Variants in DOCK2 observed in about 807,000 individuals in gnomAD.
The protein encoded by DOCK2 is dedicator of cytokinesis protein 2.
Under a neutral mutation model 248.9 loss-of-function variants are expected in DOCK2, and 87 were observed. The ratio of observed to expected loss-of-function variants is 0.35; its 90% CI spans 0.29 to 0.42. The LOEUF (loss-of-function observed/expected upper bound fraction) is 0.42. Ranked by LOEUF, DOCK2 falls within the 10% of genes least tolerant of loss-of-function variation. The pLI, the probability that DOCK2 is intolerant of heterozygous loss-of-function variation, is 1.00. For synonymous variants in DOCK2, 805 were observed against 821.6 expected (o/e 0.98, Z 0.35); for missense variants, 1,747 against 2,300.2 (o/e 0.76, Z 4.92).
At chr5:169,908,516 A>G (rs1403697934) in intron 27 of DOCK2, among the ~76,000 whole-genome samples, 1 of 152,140 alleles carries the variant, frequency 6.6e-6, no homozygotes, top group African/African-American at 2.4e-5. Flanking sequence ...ATGAACACAA[A>G]TAGGTTCCCA....
In DOCK2 at chr5:169,714,360, T is replaced by C; in HGVS notation, c.1844T>C (p.Val615Ala). 1 of 1,614,046 alleles carries C rather than the reference T, an allele frequency of 6.2e-7. No individual in the cohort carries two copies. The highest frequency in any genetic ancestry group is 8.5e-7 in the Non-Finnish European group (1 of 1,179,972). The change falls in exon 19 of 52, where the codon GTG becomes GCG. Residue 615 changes from valine (V) to alanine (A), a missense_variant and splice_region_variant. Coordinates refer to ENST00000520908, the MANE Select transcript of DOCK2 (RefSeq NM_004946.3). ...LVCSTKLTQN[V>A]GLLGLLKWRM... ...TCTGAATGTCTGGACTCTATTTTAG[T>C]GGGCTTGCTGGGTTTGCTGAAGTGG...
chr5:169,743,130 T>C (rs1186739526), intron 22 of DOCK2, among the ~76,000 whole-genome samples: 2 of 152,248 alleles, frequency 1.3e-5, no homozygotes, highest in East Asian at 3.8e-4. Flanking sequence ...CGCAGACAGA[T>C]GAGGCATTTT....
chr5:169,830,481 T>C (rs1769153510), intron 26 of DOCK2, among the ~76,000 whole-genome samples: 1 of 152,216 alleles, frequency 6.6e-6, no homozygotes, highest in Admixed American at 6.5e-5. Flanking sequence ...TTGTTTTTTA[T>C]CTATTTTTTT....
chr5:169,683,800 A>G (rs912049729), intron 7 of DOCK2, among the ~76,000 whole-genome samples: 1 of 152,148 alleles, frequency 6.6e-6, no homozygotes, highest in African/African-American at 2.4e-5. Flanking sequence ...ATTAGTTGTA[A>G]GAGTTATTTG....
intron 25 of DOCK2, among the ~76,000 whole-genome samples, chr5:169,777,030 A>C (rs1765423074): frequency 6.6e-6 from 1 of 152,214 alleles, no homozygotes; most frequent in East Asian, 1.9e-4. Context: ...ACTTCCTGGA[A>C]TTCATACCCT....
At chr5:170,022,849 T>C (rs1283037061) in intron 33 of DOCK2, among the ~76,000 whole-genome samples, 1 of 152,222 alleles carries the variant, frequency 6.6e-6, no homozygotes, top group Non-Finnish European at 1.5e-5. Flanking sequence ...ACAATGTCAG[T>C]GTTCCCAGAA....
chr5:170,060,789 T>C (rs1029419259), intron 44 of DOCK2, among the ~76,000 whole-genome samples: 4 of 152,064 alleles, frequency 2.6e-5, no homozygotes, highest in African/African-American at 9.7e-5. Context: ...CCCAACACTT[T>C]GGGAGGCTGG....
chr5:169,854,111 C>A (rs1172743392), intron 27 of DOCK2, among the ~76,000 whole-genome samples: 1 of 151,732 alleles, frequency 6.6e-6, no homozygotes, highest in Non-Finnish European at 1.5e-5. Flanking sequence ...GTGTGAGCCA[C>A]TGCACCCAGC....
chr5:170,066,681 T>C (rs1163643921), intron 44 of DOCK2, among the ~76,000 whole-genome samples: 1 of 152,210 alleles, frequency 6.6e-6, no homozygotes, highest in Non-Finnish European at 1.5e-5. Context: ...AAGATTTTTA[T>C]TTAGTTTGTT....
chr5:169,702,896 C>T (rs1009902271), intron 14 of DOCK2, among the ~76,000 whole-genome samples: 1 of 152,092 alleles, frequency 6.6e-6, no homozygotes, highest in African/African-American at 2.4e-5. Flanking sequence ...ATCTAACTCC[C>T]CAGCGCTCAG....
At chr5:169,779,768 C>T (rs1446094659) in intron 25 of DOCK2, among the ~76,000 whole-genome samples, 1 of 152,052 alleles carries the variant, frequency 6.6e-6, no homozygotes, top group Non-Finnish European at 1.5e-5. Flanking sequence ...TAGAGGAACT[C>T]CCCCTTTCCC....
chr5:169,847,914 A>G (rs922000254), intron 27 of DOCK2, among the ~76,000 whole-genome samples: 1 of 152,236 alleles, frequency 6.6e-6, no homozygotes, highest in Non-Finnish European at 1.5e-5. Context: ...CCAGTCCAAA[A>G]ACTCTTGTAT....
chr5:169,858,724 T>C (rs261036), intron 27 of DOCK2, among the ~76,000 whole-genome samples: 123,552 of 152,212 alleles, frequency 0.81, 50,948 homozygotes, highest in African/African-American at 0.93. Flanking sequence ...AGAGAGGGGC[T>C]GGGTACGGTG....
rs1412202982 is a variant in DOCK2, at chr5:169,804,492, G to A, written c.2703+1286G>A. 1.2e-4 allele frequency among the ~76,000 whole-genome samples: 9 copies of A among 74,762 alleles called. 1 individual carries two copies. Among genetic ancestry groups the A allele is most frequent in the Admixed American group, 1.2e-3 (7 of 6,056 alleles). The allele number at this position is 74,762 out of a possible 152,430, so 49.0% of individuals were successfully genotyped here. On this transcript the variant is annotated intron_variant, in intron 26 of 51. Transcript: ENST00000520908. Reference sequence around the variant, plus strand: ...TGTGTGTGTGTGTGTGTGTGCGCGCGCGCGTGCGCGTAAGCATTTTTGTCA... The same window carrying A: ...TGTGTGTGTGTGTGTGTGTGCGCGCACGCGTGCGCGTAAGCATTTTTGTCA...
intron 27 of DOCK2, among the ~76,000 whole-genome samples, chr5:169,951,036 C>T (rs528977345): frequency 3.3e-5 from 5 of 152,318 alleles, no homozygotes; most frequent in South Asian, 2.1e-4. Flanking sequence ...CCAGCGTCAC[C>T]GGTCCTGCAT....
At chr5:169,780,536 T>A (rs1269793792) in intron 25 of DOCK2, among the ~76,000 whole-genome samples, 2 of 152,218 alleles carry the variant, frequency 1.3e-5, no homozygotes, top group Admixed American at 6.5e-5. Context: ...AGAATCCATG[T>A]ATTCGGGATC....
At chr5:169,927,279 T>G (rs1184114235) in intron 27 of DOCK2, among the ~76,000 whole-genome samples, 1 of 152,166 alleles carries the variant, frequency 6.6e-6, no homozygotes, top group African/African-American at 2.4e-5. Context: ...CTCTAGAGCC[T>G]TGTAGGCCAC....
rs376368559 is a variant in DOCK2 at position 169,949,000 on chromosome 5, A to G, written c.2800-34068A>G. On this transcript the variant is annotated intron_variant, in intron 27 of 51. Coordinates refer to ENST00000520908, the MANE Select transcript of DOCK2 (RefSeq NM_004946.3). ...TATATGCATCCAGTTACAAAGGTGC[A>G]ATAGAAGCCTCTGCATGTCCTCCCA... Among the ~76,000 whole-genome samples the G allele has an allele frequency of 1.8e-3, 280 of 152,350 alleles. 6 individuals are homozygous for G. In the South Asian group the frequency reaches 0.048, roughly 26 times the overall value.
chr5:169,830,344 T>A (rs932824309), intron 26 of DOCK2, among the ~76,000 whole-genome samples: 3 of 152,234 alleles, frequency 2.0e-5, no homozygotes, highest in African/African-American at 7.2e-5. Context: ...TTAGAATGAA[T>A]CTTATTTTGT....
Sources: gnomAD v4.1 joint callset for allele counts (sites outside exome capture counted in the v4.1 genomes callset) on GRCh38, gnomAD v4.1.1 for gene constraint, MANE v1.5 for transcripts, NCBI Gene and HGNC (gene_info 2026-07-23, HGNC 2026-07-21) for gene names.